The following HOOK3 variants were observed in gnomAD, a reference collection of about 807,000 sequenced individuals.
The protein encoded by HOOK3 is protein Hook homolog 3.
HOOK3 carries 24 observed loss-of-function variants against 116.3 expected under a neutral mutation model. The observed-to-expected ratio is 0.21, with a 90% CI of 0.15 to 0.29. The LOEUF is 0.29. Ranked by LOEUF, HOOK3 falls within the 10% of genes least tolerant of loss-of-function variation. The probability of loss-of-function intolerance (pLI) is 1.00; values close to 1 mark genes in which losing one functional copy is unlikely to be tolerated. For missense variants in HOOK3, 632 were observed against 830.2 expected, an observed-to-expected ratio of 0.76 and a Z score of 2.93; for synonymous variants, 275 against 283.0, an observed-to-expected ratio of 0.97 and a Z score of 0.28.
chr8:42,935,964 C>T (rs1259809843), intron 4 of HOOK3, among the ~76,000 whole-genome samples: 2 of 152,178 alleles, frequency 1.3e-5, no homozygotes, highest in African/African-American at 4.8e-5. Flanking sequence ...ACCATTGAAT[C>T]TATAAATTGC....
At chr8:42,980,938 T>A (rs563352198) in intron 13 of HOOK3, among the ~76,000 whole-genome samples, 1 of 152,200 alleles carries the variant, frequency 6.6e-6, no homozygotes, top group South Asian at 2.1e-4. Flanking sequence ...CCCTTCATCA[T>A]GTGATGCCCT....
intron 11 of HOOK3, among the ~76,000 whole-genome samples, chr8:42,970,833 G>A (rs1467601632): frequency 6.9e-6 from 1 of 144,416 alleles, no homozygotes; most frequent in Non-Finnish European, 1.5e-5. Flanking sequence ...TGTCATCCAG[G>A]CTAGAGTGCA....
At chr8:42,966,708 C>A in intron 10 of HOOK3, 95 bp downstream of exon 10, 1 of 1,389,606 alleles carries the variant, frequency 7.2e-7, no homozygotes, top group Non-Finnish European at 9.9e-7. Context: ...AGCCAGGCTA[C>A]CTGGGCTGGG....
chr8:42,948,385 ATT>A (rs961838808), intron 5 of HOOK3, among the ~76,000 whole-genome samples: 1 of 152,174 alleles, frequency 6.6e-6, no homozygotes, highest in Non-Finnish European at 1.5e-5. Context: ...AGATTCATAA[ATT>A]TTTTTATTTA....
At chr8:42,985,947 T>C (rs1809042595) in intron 14 of HOOK3, among the ~76,000 whole-genome samples, 1 of 152,216 alleles carries the variant, frequency 6.6e-6, no homozygotes, top group Admixed American at 6.5e-5. Context: ...CCACAGCTTT[T>C]CATAGTGTTT....
rs950880276 is a variant in HOOK3 at position 42,950,245 on chromosome 8, A to G, written c.401-143A>G. 5.5e-6 allele frequency: 3 copies of G among 547,020 alleles called. No homozygotes were observed. In the Admixed American group the frequency reaches 9.2e-5, roughly 17 times the overall value. The allele number at this position is 547,020 out of a possible 1,614,324, so 33.9% of individuals were successfully genotyped here. On this transcript the variant is annotated intron_variant, in intron 5 of 21. Coordinates refer to ENST00000307602, the MANE Select transcript of HOOK3 (RefSeq NM_032410.4). The stretch of plus-strand genomic sequence containing the variant: ...ATAGTGTGATTTTCGGACTTTACCA[A>G]TACATTTAATGGTGTATGTGGGATT...
intron 6 of HOOK3, among the ~76,000 whole-genome samples, chr8:42,952,565 CAT>C (rs1808362756): frequency 6.6e-6 from 1 of 152,204 alleles, no homozygotes; most frequent in African/African-American, 2.4e-5. Flanking sequence ...CTTCTAATCA[CAT>C]GATTGGTCTT....
In HOOK3 at chr8:43,026,025, C is replaced by T. The variant is rs1382906832; in HGVS notation, c.*7527C>T. On this transcript the variant is annotated 3_prime_UTR_variant, in exon 22 of 22. Coordinates refer to ENST00000307602, the MANE Select transcript of HOOK3 (RefSeq NM_032410.4). The stretch of plus-strand genomic sequence containing the variant: ...GAATTAGGTATCATGAGAAAAGCAA[C>T]TCCTACTTGAGAGAAAGAAGACTAC... 1 of 210,754 alleles carries T rather than the reference C, an allele frequency of 4.7e-6. No homozygotes were observed. Among genetic ancestry groups the T allele is most frequent in the Non-Finnish European group, 9.6e-6 (1 of 103,946 alleles). The allele number at this position is 210,754 out of a possible 1,614,324, so 13.1% of individuals were successfully genotyped here.
chr8:42,904,821 C>T (rs1296492723), intron 1 of HOOK3, among the ~76,000 whole-genome samples: 1 of 152,164 alleles, frequency 6.6e-6, no homozygotes, highest in Non-Finnish European at 1.5e-5. Context: ...TACCAAGCTG[C>T]TCTTCATACC....
At chr8:42,919,294 C>T (rs1316134722) in intron 2 of HOOK3, among the ~76,000 whole-genome samples, 2 of 151,628 alleles carry the variant, frequency 1.3e-5, no homozygotes, top group Admixed American at 1.3e-4. Context: ...ACGCTCCTCA[C>T]CTCCCAGACG....
chr8:43,005,484 A>G (rs1233048195), intron 17 of HOOK3, among the ~76,000 whole-genome samples: 1 of 151,648 alleles, frequency 6.6e-6, no homozygotes, highest in East Asian at 1.9e-4. Flanking sequence ...GGCCTTCCAA[A>G]GTGCTGGGAT....
intron 1 of HOOK3, among the ~76,000 whole-genome samples, chr8:42,901,910 A>G (rs1043379700): frequency 6.6e-6 from 1 of 152,014 alleles, no homozygotes; most frequent in Non-Finnish European, 1.5e-5. Flanking sequence ...GGGTTTCACT[A>G]TGTTGGTCAG....
chr8:42,967,191 A>G (rs1159995929), intron 10 of HOOK3, among the ~76,000 whole-genome samples: 1 of 151,982 alleles, frequency 6.6e-6, no homozygotes, highest in Non-Finnish European at 1.5e-5. Flanking sequence ...GGTTCTTCCC[A>G]ATGGCCCGCC....
intron 17 of HOOK3, 65 bp downstream of exon 17, chr8:43,002,206 G>C: frequency 8.1e-7 from 1 of 1,228,068 alleles, no homozygotes; most frequent in Admixed American, 1.8e-5. Context: ...GTGTTAGGTA[G>C]TTACGGTGTG....
chr8:43,007,930 G>A lies in HOOK3; in HGVS notation c.1738+1G>A. The A allele has an allele frequency of 6.3e-7, 1 of 1,577,912 alleles. No individual in the cohort carries two copies. The highest frequency in any genetic ancestry group is 8.7e-7 in the Non-Finnish European group (1 of 1,153,808). On this transcript the variant is annotated splice_donor_variant, in intron 18 of 21. Coordinates refer to ENST00000307602, the MANE Select transcript of HOOK3 (RefSeq NM_032410.4). LOFTEE classifies it high-confidence loss of function. ...CTCGAGCCAAGATTTAACAACAGCT[G>A]TGAGTTTTCCTAATTAGGATAGTTT...
At chr8:42,907,737 T>C (rs191625603) in intron 2 of HOOK3, among the ~76,000 whole-genome samples, 1 of 132,744 alleles carries the variant, frequency 7.5e-6, no homozygotes, top group East Asian at 2.4e-4. Flanking sequence ...TATTGTTTCA[T>C]CAAAACAAGA....
chr8:43,013,471 C>T, intron 21 of HOOK3, 71 bp downstream of exon 21: 2 of 1,221,426 alleles, frequency 1.6e-6, no homozygotes, highest in South Asian at 3.5e-5. Flanking sequence ...ATTCCCTTTA[C>T]TGTAGAAGTC....
intron 4 of HOOK3, among the ~76,000 whole-genome samples, chr8:42,942,688 C>G (rs1246458574): frequency 6.6e-6 from 1 of 151,858 alleles, no homozygotes; most frequent in Non-Finnish European, 1.5e-5. Flanking sequence ...TTTAATGGTC[C>G]TTGGTTGGTT....
At chr8:42,906,109 C>G in intron 1 of HOOK3, 64 bp from the exon 2 acceptor site, 2 of 860,730 alleles carry the variant, frequency 2.3e-6, no homozygotes, top group Non-Finnish European at 3.6e-6. Flanking sequence ...AAAAAAAGGC[C>G]TAAGAAATTT....
Sources: gnomAD v4.1 joint callset for allele counts (sites outside exome capture counted in the v4.1 genomes callset) on GRCh38, gnomAD v4.1.1 for gene constraint, MANE v1.5 for transcripts, NCBI Gene and HGNC (gene_info 2026-07-23, HGNC 2026-07-21) for gene names.